Variants in ROBO1 observed in about 807,000 individuals in gnomAD.
ROBO1 encodes roundabout guidance receptor 1, also known as roundabout homolog 1.
A neutral mutation model predicts 195.9 loss-of-function variants in ROBO1; 149 were observed. The ratio of observed to expected loss-of-function variants is 0.76; its 90% confidence interval spans 0.67 to 0.87. The LOEUF is 0.87. Ranked by LOEUF, ROBO1 falls within the 40% of genes least tolerant of loss-of-function variation. The probability of loss-of-function intolerance (pLI) is 0.00; values close to 1 mark genes in which losing one functional copy is unlikely to be tolerated. For synonymous variants in ROBO1, 816 were observed against 733.2 expected, an observed-to-expected ratio of 1.11 and a Z score of -1.82; for missense variants, 1,933 against 2,068.3, an observed-to-expected ratio of 0.93 and a Z score of 1.27.
intron 18 of ROBO1, among the ~76,000 whole-genome samples, chr3:78,653,021 A>C (rs1286644257): frequency 6.6e-6 from 1 of 152,174 alleles, no homozygotes; most frequent in Non-Finnish European, 1.5e-5. Flanking sequence ...CATCTGGTGA[A>C]ACAAGAAGGT....
At chr3:78,870,248 A>G (rs971223904) in intron 4 of ROBO1, among the ~76,000 whole-genome samples, 2 of 152,118 alleles carry the variant, frequency 1.3e-5, no homozygotes, top group Admixed American at 1.3e-4. Context: ...AACCCCGTCC[A>G]TTTGCCTAAA....
intron 1 of ROBO1, among the ~76,000 whole-genome samples, chr3:79,621,790 T>A (rs1248542730): frequency 6.6e-6 from 1 of 152,122 alleles, no homozygotes; most frequent in African/African-American, 2.4e-5. Context: ...ATAAGGATAA[T>A]ATTTGTATCA....
At position 79,257,126 on chromosome 3, in the gene ROBO1, G is replaced by T. The variant is rs186514366; in HGVS notation, c.89-131587C>A. On this transcript the variant is annotated intron_variant, in intron 2 of 30. Coordinates refer to ENST00000464233, the MANE Select transcript of ROBO1 (RefSeq NM_002941.4). ...AGTAAGTTTGAAATTGTAATCCTTG[G>T]TATAATGTTTGTAGAGGAAATCAAG... Among the ~76,000 whole-genome samples the T allele has an allele frequency of 5.9e-5, 9 of 152,208 alleles. No individual in the cohort carries two copies. In the East Asian group the frequency reaches 1.7e-3, roughly 29 times the overall value.
chr3:78,693,271 A>G, intron 8 of ROBO1: 2 of 1,539,766 alleles, frequency 1.3e-6, no homozygotes, highest in East Asian at 2.5e-5. Context: ...ATGGAAGGGT[A>G]TGGATGGAAA....
intron 2 of ROBO1, among the ~76,000 whole-genome samples, chr3:79,560,539 A>ATT (rs1942877105): frequency 9.3e-6 from 1 of 107,714 alleles, no homozygotes; most frequent in South Asian, 2.7e-4. Flanking sequence ...TAATAATTAT[A>ATT]TATATATATA....
At chr3:78,745,951 C>T (rs1382294608) in intron 5 of ROBO1, among the ~76,000 whole-genome samples, 4 of 152,134 alleles carry the variant, frequency 2.6e-5, no homozygotes, top group African/African-American at 9.7e-5. Context: ...ATACATTCTC[C>T]TAGGGAACTT....
At chr3:79,492,135 A>C (rs754806959) in intron 2 of ROBO1, among the ~76,000 whole-genome samples, 10 of 152,142 alleles carry the variant, frequency 6.6e-5, no homozygotes, top group Non-Finnish European at 1.3e-4. Flanking sequence ...ACCACAAAAG[A>C]GGCCGTAGGT....
chr3:78,607,451 G>A (rs763054821), intron 28 of ROBO1, among the ~76,000 whole-genome samples: 1 of 152,194 alleles, frequency 6.6e-6, no homozygotes, highest in East Asian at 1.9e-4. Flanking sequence ...GGACTCAAGT[G>A]ATCTGTCCAC....
At chr3:79,242,869 A>C (rs1013297537) in intron 2 of ROBO1, among the ~76,000 whole-genome samples, 8 of 152,072 alleles carry the variant, frequency 5.3e-5, no homozygotes, top group Admixed American at 4.6e-4. Flanking sequence ...TTTAGGGTAC[A>C]TGTGCACAAC....
At chr3:79,260,414 T>A (rs908582958) in intron 2 of ROBO1, among the ~76,000 whole-genome samples, 2 of 152,132 alleles carry the variant, frequency 1.3e-5, no homozygotes, top group South Asian at 2.1e-4. Flanking sequence ...TATATATTTA[T>A]GTATATTATC....
intron 1 of ROBO1, among the ~76,000 whole-genome samples, chr3:79,746,304 A>C (rs1390823608): frequency 6.6e-6 from 1 of 152,074 alleles, no homozygotes; most frequent in Admixed American, 6.6e-5. Context: ...ATCTACATTA[A>C]TTTTTAGAAG....
At chr3:79,763,355 C>T (rs1004498131) in intron 1 of ROBO1, among the ~76,000 whole-genome samples, 1 of 152,100 alleles carries the variant, frequency 6.6e-6, no homozygotes, top group Non-Finnish European at 1.5e-5. Context: ...AAAATGTTAG[C>T]TTACTCCTCT....
intron 2 of ROBO1, among the ~76,000 whole-genome samples, chr3:79,225,284 T>C (rs2082207018): frequency 6.6e-6 from 1 of 152,164 alleles, no homozygotes; most frequent in African/African-American, 2.4e-5. Flanking sequence ...CATTACTGTA[T>C]TTTGATATCA....
At chr3:79,726,149 T>C (rs1702916812) in intron 1 of ROBO1, among the ~76,000 whole-genome samples, 1 of 152,214 alleles carries the variant, frequency 6.6e-6, no homozygotes, top group African/African-American at 2.4e-5. Context: ...ATTGCACTGT[T>C]GTCATTCTAG....
At position 79,753,924 on chromosome 3, in the gene ROBO1, C is replaced by A. The variant is rs192073849; in HGVS notation, c.-51+13828G>T. On this transcript the variant is annotated intron_variant, in intron 1 of 30. Transcript: ENST00000464233. ...ACTTTAAACATTTATGGGATCTAAA[C>A]ATGATCAGATTAGAGCTGTCCAAAT... Among the ~76,000 whole-genome samples the A allele has an allele frequency of 4.0e-3, 602 of 152,254 alleles. 4 individuals are homozygous for A. Among genetic ancestry groups the A allele is most frequent in the African/African-American group, 0.014 (578 of 41,560 alleles).
At chr3:79,562,983 ATGTT>A (rs1942973576) in intron 2 of ROBO1, among the ~76,000 whole-genome samples, 1 of 149,590 alleles carries the variant, frequency 6.7e-6, no homozygotes, top group Admixed American at 6.6e-5. Context: ...AGTTATAAAA[ATGTT>A]TGAGATTGCA....
At chr3:79,402,053 T>C (rs577551181) in intron 2 of ROBO1, among the ~76,000 whole-genome samples, 1 of 152,048 alleles carries the variant, frequency 6.6e-6, no homozygotes, top group South Asian at 2.1e-4. Context: ...GATTACTTGA[T>C]ATATAAGCTA....
intron 1 of ROBO1, among the ~76,000 whole-genome samples, chr3:79,735,028 T>A (rs904703016): frequency 6.6e-6 from 1 of 152,212 alleles, no homozygotes; most frequent in Non-Finnish European, 1.5e-5. Flanking sequence ...CATTTTCTAA[T>A]GATACAGAAT....
chr3:79,334,514 G>T (rs1206494386), intron 2 of ROBO1, among the ~76,000 whole-genome samples: 1 of 151,594 alleles, frequency 6.6e-6, no homozygotes, highest in Non-Finnish European at 1.5e-5. Flanking sequence ...ACAGCACCTG[G>T]TTATAGTAGA....
Sources: gnomAD v4.1 joint callset for allele counts (sites outside exome capture counted in the v4.1 genomes callset) on GRCh38, gnomAD v4.1.1 for gene constraint, MANE v1.5 for transcripts, NCBI Gene and HGNC (gene_info 2026-07-23, HGNC 2026-07-21) for gene names.